The following ATP6V1E1 variants were observed in gnomAD, a reference collection of about 807,000 sequenced individuals.
ATP6V1E1 encodes the protein ATPase H+ transporting V1 subunit E1.
Under a neutral mutation model 35.2 loss-of-function variants are expected in ATP6V1E1, and 21 were observed. The ratio of observed to expected loss-of-function variants is 0.60; its 90% CI spans 0.42 to 0.86. ATP6V1E1 has a LOEUF of 0.86. Among genes scored for constraint, ATP6V1E1 ranks in the 40% least tolerant of loss-of-function variants. ATP6V1E1 has a pLI of 0.00. For synonymous variants in ATP6V1E1, 83 were observed against 87.8 expected (o/e 0.95, Z 0.30); for missense variants, 183 against 272.6 (o/e 0.67, Z 2.32).
rs529940271 is a variant in ATP6V1E1, at chr22:17,621,250, T to G, written c.34-1724A>C. Among the ~76,000 whole-genome samples the G allele has an allele frequency of 2.0e-5, 3 of 152,294 alleles. No individual in the cohort carries two copies. The South Asian group carries it at 6.2e-4, about 32-fold the overall frequency. ...GAGAGATGCTTTCAAAATGCCTATCTTATCATGTAACACTCTACCCCCGCT... is the reference window on the plus strand; with the variant it reads ...GAGAGATGCTTTCAAAATGCCTATCGTATCATGTAACACTCTACCCCCGCT... On this transcript the variant is annotated intron_variant, in intron 1 of 8. Coordinates refer to ENST00000253413, the MANE Select transcript of ATP6V1E1 (RefSeq NM_001696.4).
At chr22:17,594,678 C>T in intron 7 of ATP6V1E1, 62 bp from the exon 8 acceptor site, 1 of 1,346,094 alleles carries the variant, frequency 7.4e-7, no homozygotes. Context: ...TACATGGTAC[C>T]CTTTACTCCC....
chr22:17,617,387 G>C (rs922971816), intron 2 of ATP6V1E1, among the ~76,000 whole-genome samples: 1 of 152,032 alleles, frequency 6.6e-6, no homozygotes, highest in Non-Finnish European at 1.5e-5. Context: ...TCCACCTCCC[G>C]GGTTCAAGTG....
chr22:17,599,074 T>C (rs1346134387), intron 6 of ATP6V1E1, among the ~76,000 whole-genome samples: 1 of 152,008 alleles, frequency 6.6e-6, no homozygotes, highest in African/African-American at 2.4e-5. Flanking sequence ...AGACAAATAC[T>C]GAATGTTTCC....
intron 2 of ATP6V1E1, among the ~76,000 whole-genome samples, chr22:17,616,433 C>G (rs1456601515): frequency 6.6e-6 from 1 of 152,194 alleles, no homozygotes; most frequent in African/African-American, 2.4e-5. Context: ...AATCCTAGCA[C>G]TTTGGGAGGC....
chr22:17,614,813 CA>C (rs921329277), intron 2 of ATP6V1E1, among the ~76,000 whole-genome samples: 1 of 150,282 alleles, frequency 6.7e-6, no homozygotes. Context: ...CTAAAAAATA[CA>C]AAAAATTAGG....
chr22:17,616,920 C>T (rs1483539066), intron 2 of ATP6V1E1, among the ~76,000 whole-genome samples: 1 of 112,120 alleles, frequency 8.9e-6, no homozygotes, highest in Non-Finnish European at 1.9e-5. Flanking sequence ...TAGTGGCGGG[C>T]GCCTGTAGTC....
At chr22:17,606,987 G>A (rs960387154) in intron 4 of ATP6V1E1, among the ~76,000 whole-genome samples, 6 of 151,758 alleles carry the variant, frequency 4.0e-5, no homozygotes, top group African/African-American at 7.3e-5. Flanking sequence ...TTTTTGGCCC[G>A]CTTCTCTTCT....
intron 2 of ATP6V1E1, among the ~76,000 whole-genome samples, chr22:17,615,173 C>T (rs1052195414): frequency 2.6e-5 from 4 of 151,406 alleles, no homozygotes; most frequent in Admixed American, 6.6e-5. Context: ...TGGTGGCGGG[C>T]GCCTGTAGTT....
intron 4 of ATP6V1E1, among the ~76,000 whole-genome samples, chr22:17,602,618 G>A (rs528404337): frequency 6.6e-5 from 10 of 151,484 alleles, no homozygotes; most frequent in Non-Finnish European, 1.3e-4. Context: ...CTCGTGATCC[G>A]CCTGCCTCAG....
chr22:17,619,643 TG>T (rs1252592610), intron 1 of ATP6V1E1, 117 bp from the exon 2 acceptor site: 5 of 846,124 alleles, frequency 5.9e-6, no homozygotes, highest in Admixed American at 2.9e-5. Context: ...CCTACCACTC[TG>T]GGGGGCCAAG....
Position 17,621,182 on chromosome 22 carries a change from G to A in ATP6V1E1, c.34-1656C>T, listed in dbSNP as rs566387673. On this transcript the variant is annotated intron_variant, in intron 1 of 8. Transcript: ENST00000253413. ...CAACAGCTTCCAAATTTGTCTTCCTGCCGCTATTCTTGTTGTTTCTAATCG... is the reference window on the plus strand; with the variant it reads ...CAACAGCTTCCAAATTTGTCTTCCTACCGCTATTCTTGTTGTTTCTAATCG... Among the ~76,000 whole-genome samples, 3 of 152,154 alleles carry A rather than the reference G, an allele frequency of 2.0e-5. No homozygotes were observed. The South Asian group carries it at 6.2e-4, about 32-fold the overall frequency.
chr22:17,617,387 G>A (rs922971816), intron 2 of ATP6V1E1, among the ~76,000 whole-genome samples: 4 of 152,028 alleles, frequency 2.6e-5, no homozygotes, highest in Admixed American at 6.6e-5. Flanking sequence ...TCCACCTCCC[G>A]GGTTCAAGTG....
At chr22:17,615,825 G>C (rs1202443327) in intron 2 of ATP6V1E1, among the ~76,000 whole-genome samples, 1 of 152,130 alleles carries the variant, frequency 6.6e-6, no homozygotes, top group Non-Finnish European at 1.5e-5. Flanking sequence ...GAGGTCAGGA[G>C]ATCAAGATCA....
chr22:17,618,432 C>T (rs2057857313), intron 2 of ATP6V1E1, among the ~76,000 whole-genome samples: 1 of 151,928 alleles, frequency 6.6e-6, no homozygotes, highest in Non-Finnish European at 1.5e-5. Flanking sequence ...CCTGTAATCC[C>T]AGCACTTTGG....
rs146628428 is a variant in ATP6V1E1, at chr22:17,623,499, G to A, written c.34-3973C>T. Among the ~76,000 whole-genome samples, 777 of 151,944 alleles carry A rather than the reference G, an allele frequency of 5.1e-3. 10 individuals carry two copies. The highest frequency in any genetic ancestry group is 0.018 in the African/African-American group (751 of 41,440). Reference sequence around the variant, plus strand: ...CAGCCTGACCAACATGGTGAAACCTGGTCTCTACTAAAAATACAAAAATTA... The same window carrying A: ...CAGCCTGACCAACATGGTGAAACCTAGTCTCTACTAAAAATACAAAAATTA... On this transcript the variant is annotated intron_variant, in intron 1 of 8. Coordinates refer to ENST00000253413, the MANE Select transcript of ATP6V1E1 (RefSeq NM_001696.4).
chr22:17,622,218 C>T (rs2057881027), intron 1 of ATP6V1E1, among the ~76,000 whole-genome samples: 1 of 152,108 alleles, frequency 6.6e-6, no homozygotes, highest in African/African-American at 2.4e-5. Context: ...AATTATCCCA[C>T]TAAAAGGTAA....
intron 4 of ATP6V1E1, among the ~76,000 whole-genome samples, chr22:17,612,326 GC>G (rs1213446376): frequency 6.6e-6 from 1 of 152,126 alleles, no homozygotes; most frequent in Non-Finnish European, 1.5e-5. Flanking sequence ...GAAGGTTTCT[GC>G]CCTCTTCCTT....
chr22:17,599,491 G>A (rs541382844), intron 6 of ATP6V1E1, among the ~76,000 whole-genome samples: 23 of 147,668 alleles, frequency 1.6e-4, no homozygotes, highest in African/African-American at 3.0e-4. Context: ...CAGGAGAATT[G>A]CTTGAACCCG....
At position 17,601,073 on chromosome 22, in the gene ATP6V1E1, ATC is replaced by A; in HGVS notation, c.366+17_366+18del. On this transcript the variant is annotated intron_variant, in intron 5 of 8. Coordinates refer to ENST00000253413, the MANE Select transcript of ATP6V1E1 (RefSeq NM_001696.4). ...TCAGAACTGTGGCTATCAACAGTAG[ATC>A]TGGTCTATGAGGGTACCTGGAGAAC... 6.2e-7 allele frequency: 1 copy of A among 1,603,180 alleles called. No homozygotes were observed. Among genetic ancestry groups the A allele is most frequent in the Non-Finnish European group, 8.5e-7 (1 of 1,172,820 alleles).
Sources: gnomAD v4.1 joint callset for allele counts (sites outside exome capture counted in the v4.1 genomes callset) on GRCh38, gnomAD v4.1.1 for gene constraint, MANE v1.5 for transcripts, NCBI Gene and HGNC (gene_info 2026-07-23, HGNC 2026-07-21) for gene names.